The following WBP4 variants were observed in gnomAD, a reference collection of about 807,000 sequenced individuals.
The protein encoded by WBP4 is WW domain-binding protein 4.
Under a neutral mutation model 55.4 loss-of-function variants are expected in WBP4, and 37 were observed. That is an observed-to-expected ratio of 0.67 (90% CI 0.51 to 0.88). The LOEUF (loss-of-function observed/expected upper bound fraction) is 0.88. Ranked by LOEUF, WBP4 falls within the 40% of genes least tolerant of loss-of-function variation. The probability of loss-of-function intolerance (pLI) is 0.00; values close to 1 mark genes in which losing one functional copy is unlikely to be tolerated. For missense variants in WBP4, 398 were observed against 420.8 expected, an observed-to-expected ratio of 0.95 and a Z score of 0.47; for synonymous variants, 142 against 140.2, an observed-to-expected ratio of 1.01 and a Z score of -0.09.
At chr13:41,080,926 G>A (rs1418035476) in intron 9 of WBP4, 117 bp downstream of exon 9, 1 of 1,120,380 alleles carries the variant, frequency 8.9e-7, no homozygotes, top group Non-Finnish European at 1.3e-6. Context: ...TATAGCTTGA[G>A]GCCAGATGCA....
Position 41,065,199 on chromosome 13 carries a change from A to G in WBP4, c.174A>G (p.Glu58=). ...AAAGCCTGGATAAGGCAAAGGAAGA[A>G]GAAAAGGCATCAAAGGAGTTTGCTG... ...KQKSLDKAKE[E]EKASKEFAAM... The change falls in exon 4 of 10, where the codon GAA becomes GAG. Residue 58 remains glutamate (E), a synonymous_variant. Transcript: ENST00000379487. The G allele has an allele frequency of 3.7e-6, 6 of 1,613,504 alleles. No individual in the cohort carries two copies. Among genetic ancestry groups the G allele is most frequent in the African/African-American group, 1.3e-5 (1 of 74,994 alleles).
In WBP4 at chr13:41,080,739, A is replaced by G; in HGVS notation, c.850A>G (p.Lys284Glu). The G allele has an allele frequency of 6.2e-7, 1 of 1,608,010 alleles. No individual in the cohort carries two copies. Among genetic ancestry groups the G allele is most frequent in the South Asian group, 1.1e-5 (1 of 88,938 alleles). The change falls in exon 9 of 10, where the codon AAA becomes GAA. Residue 284 changes from lysine to glutamate, a missense_variant. Lys to Glu is a moderately conservative substitution (Grantham distance 56, BLOSUM62 1). Coordinates refer to ENST00000379487, the MANE Select transcript of WBP4 (RefSeq NM_007187.5). Reference protein sequence around the residue: ...KQNSLGSNEEKSKTLKKSNPY... With the variant: ...KQNSLGSNEEESKTLKKSNPY... Reference sequence around the variant, plus strand: ...GAATTCATTAGGTTCAAATGAAGAAAAATCGAAAACTCTTAAGAAATCAAA... The same window carrying G: ...GAATTCATTAGGTTCAAATGAAGAAGAATCGAAAACTCTTAAGAAATCAAA...
At chr13:41,067,907 T>C (rs1436215932) in intron 4 of WBP4, among the ~76,000 whole-genome samples, 1 of 152,176 alleles carries the variant, frequency 6.6e-6, no homozygotes, top group Non-Finnish European at 1.5e-5. Flanking sequence ...TTGTGTTCTT[T>C]TTGTAACTAT....
intron 9 of WBP4, among the ~76,000 whole-genome samples, chr13:41,081,695 G>A (rs1042047139): frequency 1.3e-5 from 2 of 150,504 alleles, no homozygotes; most frequent in African/African-American, 4.9e-5. Flanking sequence ...ACGCCTATAA[G>A]CCCAGTACCT....
intron 1 of WBP4, chr13:41,062,187 G>GT: frequency 3.1e-6 from 3 of 963,452 alleles, no homozygotes; most frequent in Non-Finnish European, 3.6e-6. Context: ...CTCAAGAACA[G>GT]TTTGTTTTAA....
chr13:41,074,361 T>C (rs1031067033), intron 7 of WBP4, among the ~76,000 whole-genome samples: 2 of 152,218 alleles, frequency 1.3e-5, no homozygotes, highest in Non-Finnish European at 2.9e-5. Flanking sequence ...TATCATTAGC[T>C]CATTGCATAG....
Position 41,061,689 on chromosome 13 carries a change from C to T in WBP4, c.2+14C>T. On this transcript the variant is annotated intron_variant, in intron 1 of 9. Transcript: ENST00000379487. ...TGGCGCAGTCATGTGAGTTGGGTCT[C>T]AGGCCCTGAACAACGAGGTGTTGTT... 11 of 1,614,066 alleles carry T rather than the reference C, an allele frequency of 6.8e-6. No homozygotes were observed. Among genetic ancestry groups the T allele is most frequent in the African/African-American group, 2.7e-5 (2 of 75,062 alleles).
At chr13:41,077,423 C>G (rs1878548797) in intron 8 of WBP4, among the ~76,000 whole-genome samples, 1 of 151,862 alleles carries the variant, frequency 6.6e-6, no homozygotes. Flanking sequence ...ACCTGGGAGG[C>G]AGAGTTTGCA....
chr13:41,074,685 A>G (rs1474447220), intron 7 of WBP4, among the ~76,000 whole-genome samples: 1 of 152,218 alleles, frequency 6.6e-6, no homozygotes, highest in Admixed American at 6.5e-5. Flanking sequence ...TGCTTGGCAC[A>G]TAGTAGGTGC....
rs190098219 is a variant in WBP4, at chr13:41,064,054, C to T, written c.76-962C>T. ...CCCAGTCATCTAGTGGCCATCACTC[C>T]CCATAGGTTATCATTTTTTTTTTTC... On this transcript the variant is annotated intron_variant, in intron 2 of 9. Transcript: ENST00000379487. Among the ~76,000 whole-genome samples the T allele has an allele frequency of 2.1e-3, 312 of 151,768 alleles. 4 individuals carry two copies. The highest frequency in any genetic ancestry group is 6.8e-4 in the Non-Finnish European group (46 of 67,940).
At position 41,061,558 on chromosome 13, in the gene WBP4, G is replaced by T; in HGVS notation, c.-116G>T. 1 of 1,517,060 alleles carries T rather than the reference G, an allele frequency of 6.6e-7. No individual in the cohort carries two copies. The highest frequency in any genetic ancestry group is 9.1e-7 in the Non-Finnish European group (1 of 1,100,252). The allele number at this position is 1,517,060 out of a possible 1,614,324, so 94.0% of individuals were successfully genotyped here. On this transcript the variant is annotated 5_prime_UTR_variant, in exon 1 of 10. Transcript: ENST00000379487. ...GTCCCGGGGACTGAGTAAGGTGTCT[G>T]GATCGGAGGGAGGTTCGGGTGGGCA...
At chr13:41,070,490 G>A (rs550640440) in intron 5 of WBP4, among the ~76,000 whole-genome samples, 1 of 151,900 alleles carries the variant, frequency 6.6e-6, no homozygotes, top group South Asian at 2.1e-4. Context: ...TCTTATGGAG[G>A]GCTGAGAGAA....
chr13:41,066,432 C>T (rs924061224), intron 4 of WBP4, among the ~76,000 whole-genome samples: 3 of 151,992 alleles, frequency 2.0e-5, no homozygotes, highest in African/African-American at 7.2e-5. Context: ...TTTTAAATTA[C>T]ATATTTTGTG....
intron 9 of WBP4, among the ~76,000 whole-genome samples, chr13:41,082,161 A>G (rs957284142): frequency 6.6e-6 from 1 of 152,188 alleles, no homozygotes; most frequent in Non-Finnish European, 1.5e-5. Flanking sequence ...TCAGTCTTCT[A>G]CAATAGGAAA....
intron 1 of WBP4, 21 bp downstream of exon 1, chr13:41,061,696 T>G: frequency 6.2e-7 from 1 of 1,614,000 alleles, no homozygotes; most frequent in Non-Finnish European, 8.5e-7. Context: ...TCTCAGGCCC[T>G]GAACAACGAG....
chr13:41,081,709 G>A, intron 9 of WBP4, among the ~76,000 whole-genome samples: 1 of 152,076 alleles, frequency 6.6e-6, no homozygotes, highest in East Asian at 1.9e-4. Context: ...AGTACCTTGG[G>A]AGGCTAAGGC....
intron 6 of WBP4, among the ~76,000 whole-genome samples, 171 bp downstream of exon 6, chr13:41,071,744 A>G (rs1282538215): frequency 1.3e-5 from 2 of 151,892 alleles, no homozygotes; most frequent in Non-Finnish European, 2.9e-5. Context: ...CTGGATGGAG[A>G]TGAAATAGTG....
chr13:41,066,477 C>T (rs1425278696), intron 4 of WBP4, among the ~76,000 whole-genome samples: 2 of 151,852 alleles, frequency 1.3e-5, no homozygotes, highest in Non-Finnish European at 2.9e-5. Flanking sequence ...TATTTTTTCC[C>T]TCAGTGATAT....
intron 8 of WBP4, among the ~76,000 whole-genome samples, chr13:41,077,856 G>A (rs982325339): frequency 6.6e-6 from 1 of 151,502 alleles, no homozygotes; most frequent in African/African-American, 2.4e-5. Flanking sequence ...TATAATAATG[G>A]TAAAACCGAG....
Sources: allele counts gnomAD v4.1 joint callset (sites outside exome capture counted in the v4.1 genomes callset), GRCh38; gene constraint gnomAD v4.1.1; transcripts MANE v1.5; gene names NCBI Gene and HGNC (gene_info 2026-07-23, HGNC 2026-07-21).